The following ERN1 variants were observed in gnomAD, a reference collection of about 807,000 sequenced individuals.
ERN1 encodes endoplasmic reticulum to nucleus signaling 1, also known as serine/threonine-protein kinase/endoribonuclease IRE1.
ERN1 carries 39 observed loss-of-function variants against 113.1 expected under a neutral mutation model. The observed-to-expected ratio is 0.34, with a 90% CI of 0.27 to 0.45. The LOEUF (loss-of-function observed/expected upper bound fraction) is 0.45, where lower values mean the gene tolerates loss of function less well. Ranked by LOEUF, ERN1 falls within the 20% of genes least tolerant of loss-of-function variation. ERN1 has a pLI of 1.00. For missense variants in ERN1, 976 were observed against 1,274.8 expected, an observed-to-expected ratio of 0.77 and a Z score of 3.57; for synonymous variants, 507 against 515.9, an observed-to-expected ratio of 0.98 and a Z score of 0.23.
At chr17:64,056,534 G>C (rs951401614) in intron 12 of ERN1, among the ~76,000 whole-genome samples, 3 of 152,196 alleles carry the variant, frequency 2.0e-5, no homozygotes, top group Non-Finnish European at 4.4e-5. Context: ...TCCTGCTTCC[G>C]CCTTTCATCC....
intron 6 of ERN1, among the ~76,000 whole-genome samples, chr17:64,069,336 G>A (rs950358522): frequency 5.3e-5 from 8 of 151,962 alleles, no homozygotes; most frequent in African/African-American, 1.9e-4. Flanking sequence ...TTAAAGGAGT[G>A]GTATCAGCAT....
At position 64,068,262 on chromosome 17, in the gene ERN1, T is replaced by C; in HGVS notation, c.508A>G (p.Thr170Ala). The change falls in exon 7 of 22, where the codon ACC becomes GCC. Residue 170 changes from threonine to alanine, a missense_variant. Around this residue, in one of 5 missense-constraint regions of ERN1, gnomAD observed 459 missense variants for 581.2 expected, o/e 0.79. Transcript: ENST00000433197. ...GTGGCATTCCACCGGAGCTCTCGGG[T>C]TTTGGTGTCGTACATGGTGATGGTG... ...EYTITMYDTKTRELRWNATYF... is the reference protein window; with the variant it reads ...EYTITMYDTKARELRWNATYF... 2.5e-6 allele frequency: 4 copies of C among 1,612,490 alleles called. No homozygotes were observed. The highest frequency in any genetic ancestry group is 2.5e-6 in the Non-Finnish European group (3 of 1,179,270).
chr17:64,053,478 A>G, intron 15 of ERN1, 107 bp from the exon 16 acceptor site: 1 of 648,946 alleles, frequency 1.5e-6, no homozygotes, highest in Non-Finnish European at 2.4e-6. Context: ...AGTTTTACTG[A>G]CAACATTCTG....
chr17:64,096,824 A>G (rs1476601822), intron 2 of ERN1, among the ~76,000 whole-genome samples: 1 of 152,246 alleles, frequency 6.6e-6, no homozygotes, highest in African/African-American at 2.4e-5. Flanking sequence ...GAAAAAACCA[A>G]CTTAAAGCAT....
intron 2 of ERN1, among the ~76,000 whole-genome samples, chr17:64,093,028 T>C (rs1177935641): frequency 6.6e-6 from 1 of 152,148 alleles, no homozygotes; most frequent in African/African-American, 2.4e-5. Flanking sequence ...ACGCATTTTC[T>C]CTATTACGTA....
At chr17:64,048,217 C>T (rs1912572737) in intron 18 of ERN1, among the ~76,000 whole-genome samples, 1 of 152,218 alleles carries the variant, frequency 6.6e-6, no homozygotes, top group Non-Finnish European at 1.5e-5. Context: ...CAAGTGGATA[C>T]ACTACGGTGC....
chr17:64,095,021 A>G (rs1914191444), intron 2 of ERN1, among the ~76,000 whole-genome samples: 1 of 152,236 alleles, frequency 6.6e-6, no homozygotes, highest in Non-Finnish European at 1.5e-5. Flanking sequence ...CTGAAAACTC[A>G]GGGTATCTGC....
chr17:64,053,236 C>T (rs1222809879), intron 16 of ERN1, 36 bp downstream of exon 16: 2 of 1,533,714 alleles, frequency 1.3e-6, no homozygotes, highest in South Asian at 1.2e-5. Context: ...ATTCTCCCCA[C>T]CCGGGCCGCT....
intron 20 of ERN1, among the ~76,000 whole-genome samples, 179 bp downstream of exon 20, chr17:64,045,180 C>G (rs1186771460): frequency 1.3e-5 from 2 of 151,936 alleles, no homozygotes; most frequent in African/African-American, 4.8e-5. Context: ...CTCTAGGGAA[C>G]AAAAATGAAA....
intron 1 of ERN1, among the ~76,000 whole-genome samples, chr17:64,106,763 C>CACACACACACACA (rs373338585): frequency 6.5e-5 from 9 of 138,460 alleles, no homozygotes; most frequent in African/African-American, 2.8e-4. Context: ...CACACACACA[C>CACACACACACACA]AAGCTCGCTG....
At position 64,067,111 on chromosome 17, in the gene ERN1, C is replaced by T; in HGVS notation, c.581-179G>A. 3.1e-6 allele frequency: 2 copies of T among 654,924 alleles called. 1 individual carries two copies. Among genetic ancestry groups the T allele is most frequent in the South Asian group, 4.1e-5 (2 of 48,864 alleles). The allele number at this position is 654,924 out of a possible 1,614,324, so 40.6% of individuals were successfully genotyped here. A position where few individuals can be genotyped will look rare whatever the true frequency, so the allele number is the denominator to read the frequency against. On this transcript the variant is annotated intron_variant, in intron 7 of 21. Coordinates refer to ENST00000433197, the MANE Select transcript of ERN1 (RefSeq NM_001433.5). ...TGAACTCGCTTAGTCTCTGTAATAT[C>T]AAGACACTGAGAGCTGGCTGGCGTA...
intron 1 of ERN1, among the ~76,000 whole-genome samples, chr17:64,101,883 C>T (rs1448565202): frequency 1.3e-5 from 2 of 152,192 alleles, no homozygotes; most frequent in African/African-American, 4.8e-5. Flanking sequence ...TCCTTTGCTA[C>T]TAGTGGAAGC....
chr17:64,053,262 A>T lies in ERN1; in HGVS notation c.2053+10T>A, dbSNP rs1336917820. 1.9e-6 allele frequency: 3 copies of T among 1,594,050 alleles called. No homozygotes were observed. The highest frequency in any genetic ancestry group is 4.5e-5 in the East Asian group (2 of 44,696). ...CCGGGCCGCTGGCCTGGTAAAGTGC[A>T]GCCTCTCACCGATGTTGAGGGAGTG... On this transcript the variant is annotated intron_variant, in intron 16 of 21. Coordinates refer to ENST00000433197, the MANE Select transcript of ERN1 (RefSeq NM_001433.5).
chr17:64,126,964 G>A (rs1915097391), intron 1 of ERN1, among the ~76,000 whole-genome samples: 1 of 151,898 alleles, frequency 6.6e-6, no homozygotes, highest in Non-Finnish European at 1.5e-5. Flanking sequence ...TGATCTCTTT[G>A]GTAATTGAGA....
intron 1 of ERN1, among the ~76,000 whole-genome samples, chr17:64,120,091 G>A (rs547649602): frequency 1.3e-5 from 2 of 152,002 alleles, no homozygotes; most frequent in East Asian, 1.9e-4. Context: ...AAAAGATGCC[G>A]GCCCCCACTC....
intron 10 of ERN1, among the ~76,000 whole-genome samples, chr17:64,060,875 G>T (rs9911715): frequency 6.6e-6 from 1 of 152,274 alleles, no homozygotes; most frequent in South Asian, 2.1e-4. Flanking sequence ...CGCAAGGCTC[G>T]TGGGGCTGCA....
intron 7 of ERN1, 176 bp downstream of exon 7, chr17:64,068,014 G>A: frequency 3.6e-6 from 2 of 552,422 alleles, no homozygotes; most frequent in East Asian, 2.9e-5. Context: ...CTTCACCAAG[G>A]CCCCTGCACA....
At chr17:64,129,568 C>A in intron 1 of ERN1, 1 of 354,000 alleles carries the variant, frequency 2.8e-6, no homozygotes, top group Non-Finnish European at 5.1e-6. Flanking sequence ...CCTCCGCGGC[C>A]CCCGCCAGGC....
intron 19 of ERN1, among the ~76,000 whole-genome samples, chr17:64,045,758 G>A (rs192062211): frequency 1.3e-5 from 2 of 152,242 alleles, no homozygotes; most frequent in East Asian, 3.9e-4. Context: ...AATTTCACAT[G>A]TGCACACACA....
Sources: allele counts gnomAD v4.1 joint callset (sites outside exome capture counted in the v4.1 genomes callset), GRCh38; gene constraint gnomAD v4.1.1; regional missense constraint gnomAD v4.1.1; transcripts MANE v1.5; gene names NCBI Gene and HGNC (gene_info 2026-07-23, HGNC 2026-07-21).